PSIP1: variants seen among roughly 807,000 people sequenced by gnomAD.
PSIP1 encodes the protein PC4 and SRSF1 interacting protein 1.
In PSIP1, 19 loss-of-function variants were observed where a neutral mutation model predicts 74.7. The ratio of observed to expected loss-of-function variants is 0.25; its 90% CI spans 0.18 to 0.37. The LOEUF is 0.37. PSIP1 is among the 10% of genes least tolerant of loss of function. The pLI is 1.00. For synonymous variants in PSIP1, 222 were observed against 195.3 expected, an observed-to-expected ratio of 1.14 and a Z score of -1.14; for missense variants, 601 against 614.3, an observed-to-expected ratio of 0.98 and a Z score of 0.23.
chr9:15,496,662 T>C (rs1011517368), intron 3 of PSIP1, among the ~76,000 whole-genome samples: 1 of 152,198 alleles, frequency 6.6e-6, no homozygotes, highest in Non-Finnish European at 1.5e-5. Context: ...TACCTTTCAT[T>C]ATTAACCATA....
At chr9:15,497,712 T>G (rs1029061487) in intron 3 of PSIP1, among the ~76,000 whole-genome samples, 8 of 151,790 alleles carry the variant, frequency 5.3e-5, no homozygotes, top group Non-Finnish European at 8.8e-5. Flanking sequence ...TGGGTAGAAA[T>G]GGAAAGTAAA....
intron 3 of PSIP1, among the ~76,000 whole-genome samples, chr9:15,500,317 C>T (rs10283927): frequency 0.25 from 38,500 of 151,762 alleles, 8,694 homozygotes; most frequent in African/African-American, 0.61. Flanking sequence ...CACAAAAAAT[C>T]AGCTGGGTGT....
intron 6 of PSIP1, among the ~76,000 whole-genome samples, chr9:15,480,829 A>G (rs2036304698): frequency 6.6e-6 from 1 of 152,214 alleles, no homozygotes; most frequent in African/African-American, 2.4e-5. Flanking sequence ...CTGAGGCAGG[A>G]GAATTGCTGG....
At chr9:15,482,749 A>G (rs2036390116) in intron 6 of PSIP1, among the ~76,000 whole-genome samples, 1 of 152,200 alleles carries the variant, frequency 6.6e-6, no homozygotes, top group South Asian at 2.1e-4. Context: ...TTAGCTATGA[A>G]AATCCCTATT....
intron 3 of PSIP1, among the ~76,000 whole-genome samples, chr9:15,496,898 C>T (rs368817728): frequency 1.1e-4 from 16 of 152,050 alleles, no homozygotes; most frequent in South Asian, 4.1e-4. Context: ...CCCACTCAGA[C>T]GGCCAAAAAA....
At chr9:15,473,660 G>A (rs1275888067) in intron 9 of PSIP1, among the ~76,000 whole-genome samples, 2 of 151,966 alleles carry the variant, frequency 1.3e-5, no homozygotes, top group African/African-American at 2.4e-5. Context: ...CGGCACTTTG[G>A]GAGGCCAAGG....
At chr9:15,469,409 T>C (rs1335420240) in intron 11 of PSIP1, 73 bp from the exon 12 acceptor site, 15 of 907,380 alleles carry the variant, frequency 1.7e-5, no homozygotes, top group Non-Finnish European at 2.4e-5. Flanking sequence ...AGGCTAAGTA[T>C]AATGAATTAG....
chr9:15,477,599 A>C (rs75958394), intron 8 of PSIP1, among the ~76,000 whole-genome samples: 6,572 of 152,010 alleles, frequency 0.043, 478 homozygotes, highest in African/African-American at 0.15. Context: ...TAGCCACAAA[A>C]AGTTTTTCTC....
chr9:15,487,034 T>G, intron 4 of PSIP1, 103 bp from the exon 5 acceptor site: 1 of 678,564 alleles, frequency 1.5e-6, no homozygotes, highest in Non-Finnish European at 2.2e-6. Flanking sequence ...GGTCTCACTC[T>G]ATCACCCAGG....
In PSIP1 at chr9:15,465,493, T is replaced by A; in HGVS notation, c.*27A>T. On this transcript the variant is annotated 3_prime_UTR_variant, in exon 16 of 16. Transcript: ENST00000380733. Reference sequence around the variant, plus strand: ...TGAAAACCATTACAAACTTCTCAAGTGTTCTCTATATTCCAGGTATGTCAA... The same window carrying A: ...TGAAAACCATTACAAACTTCTCAAGAGTTCTCTATATTCCAGGTATGTCAA... 6.7e-7 allele frequency: 1 copy of A among 1,494,626 alleles called. No homozygotes were observed. The highest frequency in any genetic ancestry group is 9.2e-7 in the Non-Finnish European group (1 of 1,091,360). 92.6% of individuals were successfully genotyped at this position (1,494,626 alleles called of 1,614,324 possible). A position where few individuals can be genotyped will look rare whatever the true frequency, so the allele number is the denominator to read the frequency against.
rs1426717914 is a variant in PSIP1, at chr9:15,465,106, C to G, written c.*414G>C. 4.3e-6 allele frequency: 1 copy of G among 230,630 alleles called. No individual in the cohort carries two copies. The highest frequency in any genetic ancestry group is 5.7e-5 in the Admixed American group (1 of 17,654). 14.3% of individuals were successfully genotyped at this position (230,630 alleles called of 1,614,324 possible). A position where few individuals can be genotyped will look rare whatever the true frequency, so the allele number is the denominator to read the frequency against. Reference sequence around the variant, plus strand: ...ACAAAACCCACAAACAGTGAAAAGACAGTCTGGTAAATCCAAGGTTTGTAA... The same window carrying G: ...ACAAAACCCACAAACAGTGAAAAGAGAGTCTGGTAAATCCAAGGTTTGTAA... On this transcript the variant is annotated 3_prime_UTR_variant, in exon 16 of 16. Transcript: ENST00000380733.
At chr9:15,507,859 C>T (rs1188642968) in intron 2 of PSIP1, among the ~76,000 whole-genome samples, 1 of 152,046 alleles carries the variant, frequency 6.6e-6, no homozygotes. Context: ...TTTCACACAC[C>T]AACAGAATCA....
chr9:15,465,659 A>G (rs553811144), intron 15 of PSIP1, 79 bp from the exon 16 acceptor site: 9 of 1,230,454 alleles, frequency 7.3e-6, no homozygotes, highest in East Asian at 4.8e-5. Context: ...AGTCTGCATT[A>G]TATTTTTAAA....
chr9:15,510,362 G>A (rs1032940533), intron 1 of PSIP1, 33 bp from the exon 2 acceptor site: 9 of 141,368 alleles, frequency 6.4e-5, no homozygotes, highest in South Asian at 1.3e-4. Flanking sequence ...TTAAAGCGAA[G>A]AACCCCGAAG....
At position 15,484,384 on chromosome 9, in the gene PSIP1, A is replaced by C. The variant is rs138228234; in HGVS notation, c.456+1622T>G. On this transcript the variant is annotated intron_variant, in intron 6 of 15. Coordinates refer to ENST00000380733, the MANE Select transcript of PSIP1 (RefSeq NM_033222.5). The stretch of plus-strand genomic sequence containing the variant: ...GAGGCTGAGATGGGCAGATCACCTG[A>C]GGTCAGGAGTTCGAGATAAGCCTGG... Among the ~76,000 whole-genome samples, 16 of 151,928 alleles carry C rather than the reference A, an allele frequency of 1.1e-4. No individual in the cohort carries two copies. In the East Asian group the frequency reaches 3.1e-3, roughly 30 times the overall value.
chr9:15,500,339 C>T (rs2037281132), intron 3 of PSIP1, among the ~76,000 whole-genome samples: 1 of 152,036 alleles, frequency 6.6e-6, no homozygotes, highest in Non-Finnish European at 1.5e-5. Flanking sequence ...GTGGCGAGCG[C>T]CTGTAGTCCC....
intron 4 of PSIP1, chr9:15,489,341 C>G (rs1475430330): frequency 1.3e-5 from 2 of 152,134 alleles, no homozygotes; most frequent in African/African-American, 4.8e-5. Flanking sequence ...CGCGCAATGG[C>G]TCTCATCTGT....
chr9:15,468,220 G>A (rs1439874303), intron 14 of PSIP1, among the ~76,000 whole-genome samples: 1 of 151,692 alleles, frequency 6.6e-6, no homozygotes. Context: ...AGTAATGGCA[G>A]GTGTAGTCTC....
chr9:15,479,038 A>AC (rs1199465738), intron 7 of PSIP1, among the ~76,000 whole-genome samples: 4 of 151,754 alleles, frequency 2.6e-5, no homozygotes, highest in African/African-American at 9.7e-5. Flanking sequence ...TACTCATCTT[A>AC]CCCCCCATTT....
Sources: gnomAD v4.1 joint callset for allele counts (sites outside exome capture counted in the v4.1 genomes callset) on GRCh38, gnomAD v4.1.1 for gene constraint, MANE v1.5 for transcripts, NCBI Gene and HGNC (gene_info 2026-07-23, HGNC 2026-07-21) for gene names.